ELF1: variants seen among roughly 807,000 people sequenced by gnomAD.
ELF1 encodes the protein ETS-related transcription factor Elf-1.
ELF1 carries 24 observed loss-of-function variants against 59.9 expected under a neutral mutation model. The ratio of observed to expected loss-of-function variants is 0.40; its 90% confidence interval spans 0.29 to 0.56. The LOEUF (loss-of-function observed/expected upper bound fraction) is 0.56. Among genes scored for constraint, ELF1 ranks in the 20% least tolerant of loss-of-function variants. The pLI is 0.44. For missense variants in ELF1, 627 were observed against 742.2 expected (o/e 0.84, Z 1.80); for synonymous variants, 248 against 266.2 (o/e 0.93, Z 0.67).
intron 1 of ELF1, among the ~76,000 whole-genome samples, chr13:41,051,304 G>A (rs573454660): frequency 1.3e-5 from 2 of 151,774 alleles, no homozygotes; most frequent in Non-Finnish European, 2.9e-5. Flanking sequence ...AATTCCTTAA[G>A]CTTATGTTTT....
At position 41,029,545 on chromosome 13, in the gene ELF1, C is replaced by T. The variant is rs564482805; in HGVS notation, c.-229+31293G>A. Among the ~76,000 whole-genome samples the T allele has an allele frequency of 1.2e-4, 18 of 152,124 alleles. 1 individual carries two copies. The highest frequency in any genetic ancestry group is 4.3e-4 in the African/African-American group (18 of 41,516). ...TACAGGCATGCACCACCATGCCTGG[C>T]TAATTTTTATGTTTTCTGGAGAGAC... On this transcript the variant is annotated intron_variant, in intron 1 of 1. Transcript: ENST00000405737.
At position 40,934,060 on chromosome 13, in the gene ELF1, T is replaced by G. The variant is rs1320990824; in HGVS notation, c.1257-32A>C. On this transcript the variant is annotated intron_variant, in intron 8 of 8. Transcript: ENST00000239882. ...AGATGATGAAATTAAAGTGAGACAA[T>G]TAGCATATTCTACATCATTTAAAAC... The G allele has an allele frequency of 3.8e-6, 6 of 1,580,496 alleles. No homozygotes were observed. In the East Asian group the frequency reaches 1.1e-4, roughly 30 times the overall value.
chr13:40,942,890 T>A, intron 7 of ELF1, 62 bp downstream of exon 7: 1 of 1,190,174 alleles, frequency 8.4e-7, no homozygotes, highest in South Asian at 2.4e-5. Flanking sequence ...AAGCTTAGTA[T>A]TTTTTTTTAC....
chr13:40,992,819 C>G, intron 1 of ELF1: 1 of 495,766 alleles, frequency 2.0e-6, no homozygotes, highest in Non-Finnish European at 3.6e-6. Context: ...GGATTAGGAG[C>G]CAACAAATTT....
chr13:40,993,101 G>A, intron 1 of ELF1: 1 of 1,606,808 alleles, frequency 6.2e-7, no homozygotes. Context: ...ACCAGGGCAA[G>A]ACTTCCTCTG....
In ELF1 at chr13:41,037,551, C is replaced by T. The variant is rs541784256; in HGVS notation, c.-229+23287G>A. 3.0e-3 allele frequency among the ~76,000 whole-genome samples: 464 copies of T among 152,268 alleles called. 3 individuals are homozygous for T. The highest frequency in any genetic ancestry group is 6.8e-3 in the Middle Eastern group (2 of 294). On this transcript the variant is annotated intron_variant, in intron 1 of 1. Coordinates refer to the ELF1 transcript ENST00000405737. ...GTGGCTCATGCCTGTAATCCCAGCA[C>T]TTTGGGAGACCGAGGCGGATGGATC...
chr13:40,935,149 GAT>G (rs1349002766), intron 8 of ELF1, among the ~76,000 whole-genome samples: 3 of 152,146 alleles, frequency 2.0e-5, no homozygotes, highest in East Asian at 3.8e-4. Context: ...TTACATAAAT[GAT>G]ATTATGAGTC....
At chr13:41,000,270 A>G in intron 1 of ELF1, among the ~76,000 whole-genome samples, 1 of 78,454 alleles carries the variant, frequency 1.3e-5, no homozygotes, top group Admixed American at 1.9e-4. Context: ...TTTTTTTTTG[A>G]GACAGAGTCT....
chr13:40,952,863 A>G (rs1870944626), intron 3 of ELF1, among the ~76,000 whole-genome samples: 1 of 152,114 alleles, frequency 6.6e-6, no homozygotes, highest in African/African-American at 2.4e-5. Flanking sequence ...TCTGTACAGG[A>G]TTATTTTGAA....
chr13:41,013,894 T>A (rs1404839669), intron 1 of ELF1, among the ~76,000 whole-genome samples: 1 of 152,020 alleles, frequency 6.6e-6, no homozygotes, highest in Non-Finnish European at 1.5e-5. Context: ...TTTTATAGTT[T>A]TACTATTTAT....
chr13:40,945,499 T>A (rs1478079473), intron 5 of ELF1, among the ~76,000 whole-genome samples: 1 of 152,202 alleles, frequency 6.6e-6, no homozygotes, highest in Non-Finnish European at 1.5e-5. Flanking sequence ...TTCTTTTTTT[T>A]GAGTGGGGAG....
chr13:40,975,621 A>G (rs1252894265), intron 2 of ELF1, among the ~76,000 whole-genome samples: 2 of 152,214 alleles, frequency 1.3e-5, no homozygotes, highest in Non-Finnish European at 2.9e-5. Flanking sequence ...TGGTCTTAGA[A>G]CTGTAGTGAC....
At chr13:41,052,220 G>A (rs911309215) in intron 1 of ELF1, among the ~76,000 whole-genome samples, 1 of 152,128 alleles carries the variant, frequency 6.6e-6, no homozygotes, top group Non-Finnish European at 1.5e-5. Flanking sequence ...GATTATAGGC[G>A]TGAGACACTG....
chr13:41,046,383 T>C (rs527681421), intron 1 of ELF1, among the ~76,000 whole-genome samples: 2 of 152,238 alleles, frequency 1.3e-5, no homozygotes, highest in African/African-American at 2.4e-5. Flanking sequence ...CTAGCATCAA[T>C]GGTCTCTACA....
chr13:40,962,256 GTTTAAA>G (rs1447503436), intron 2 of ELF1, among the ~76,000 whole-genome samples: 1 of 151,924 alleles, frequency 6.6e-6, no homozygotes, highest in East Asian at 1.9e-4. Flanking sequence ...ATTAAATTCA[GTTTAAA>G]TTTAATAATT....
chr13:40,991,677 A>G (rs901958015), intron 1 of ELF1, among the ~76,000 whole-genome samples: 1 of 152,174 alleles, frequency 6.6e-6, no homozygotes, highest in African/African-American at 2.4e-5. Flanking sequence ...TCAATCTCTT[A>G]TATCTTAGTC....
intron 1 of ELF1, among the ~76,000 whole-genome samples, chr13:41,036,818 A>G (rs1231182002): frequency 3.3e-5 from 5 of 152,306 alleles, no homozygotes; most frequent in African/African-American, 1.2e-4. Flanking sequence ...TATGGATGAA[A>G]CTGGAAACCA....
chr13:40,952,278 G>T (rs756426087), intron 3 of ELF1, among the ~76,000 whole-genome samples: 2 of 150,776 alleles, frequency 1.3e-5, no homozygotes, highest in African/African-American at 4.9e-5. Flanking sequence ...TTTTTGGCAA[G>T]ACTAAAAAAA....
intron 1 of ELF1, among the ~76,000 whole-genome samples, chr13:41,059,568 T>C (rs1877418847): frequency 6.6e-6 from 1 of 152,246 alleles, no homozygotes. Flanking sequence ...CTTTCAGTAA[T>C]GGCACTGACC....
Sources: allele counts gnomAD v4.1 joint callset (sites outside exome capture counted in the v4.1 genomes callset), GRCh38; gene constraint gnomAD v4.1.1; transcripts MANE v1.5; gene names NCBI Gene and HGNC (gene_info 2026-07-23, HGNC 2026-07-21).